The following FKBP9 variants were observed in gnomAD, a reference collection of about 807,000 sequenced individuals.
FKBP9 encodes peptidyl-prolyl cis-trans isomerase FKBP9.
In FKBP9, 27 loss-of-function variants were observed where a neutral mutation model predicts 55.6. That is an observed-to-expected ratio of 0.49 (90% confidence interval 0.36 to 0.67). FKBP9 has a LOEUF of 0.67. Among genes scored for constraint, FKBP9 ranks in the 30% least tolerant of loss-of-function variants. The probability of loss-of-function intolerance (pLI) is 0.00; values close to 1 mark genes in which losing one functional copy is unlikely to be tolerated. For missense variants in FKBP9, 539 were observed against 742.8 expected (o/e 0.73, Z 3.19); for synonymous variants, 267 against 296.5 (o/e 0.90, Z 1.02).
intron 6 of FKBP9, 114 bp downstream of exon 6, chr7:32,988,766 T>C (rs1465278407): frequency 3.8e-5 from 39 of 1,028,444 alleles, no homozygotes; most frequent in Admixed American, 7.7e-5. Context: ...CTCCCTCTGT[T>C]GAACAGGCTG....
chr7:32,968,831 T>A (rs1157683978), intron 1 of FKBP9, among the ~76,000 whole-genome samples: 2 of 151,908 alleles, frequency 1.3e-5, no homozygotes, highest in Non-Finnish European at 2.9e-5. Context: ...CTAATTTTTG[T>A]ATTTTTAGTA....
chr7:32,999,324 A>G (rs1370981113), intron 7 of FKBP9, among the ~76,000 whole-genome samples: 1 of 152,190 alleles, frequency 6.6e-6, no homozygotes, highest in Non-Finnish European at 1.5e-5. Context: ...AGTAAAGAAC[A>G]TCAACACTGT....
chr7:33,004,103 C>A (rs184075858), intron 9 of FKBP9, among the ~76,000 whole-genome samples: 1 of 152,046 alleles, frequency 6.6e-6, no homozygotes, highest in Non-Finnish European at 1.5e-5. Flanking sequence ...TCTCGTAGGC[C>A]GTAATGGTCC....
In FKBP9 at chr7:33,000,295, C is replaced by T. The variant is rs2127989107; in HGVS notation, c.1372+35C>T. 3.9e-6 allele frequency: 6 copies of T among 1,553,740 alleles called. No individual in the cohort carries two copies. The East Asian group carries it at 1.4e-4, about 35-fold the overall frequency. ...CAACGCTATTCAAGGGTGTTGGGGG[C>T]CCGCTTACTATCTGAATTTTGTGCT... On this transcript the variant is annotated intron_variant, in intron 8 of 9. Transcript: ENST00000242209.
intron 5 of FKBP9, among the ~76,000 whole-genome samples, chr7:32,986,781 G>C (rs1294186074): frequency 6.6e-6 from 1 of 152,174 alleles, no homozygotes; most frequent in Admixed American, 6.5e-5. Context: ...TTCTTCTCCG[G>C]GGCATCATGC....
intron 1 of FKBP9, among the ~76,000 whole-genome samples, chr7:32,959,268 G>T (rs1474960053): frequency 2.6e-5 from 4 of 152,202 alleles, no homozygotes; most frequent in Non-Finnish European, 5.9e-5. Flanking sequence ...AGCCGGGCGA[G>T]GTGGCGGGCG....
chr7:32,995,327 T>C (rs1174026037), intron 6 of FKBP9, among the ~76,000 whole-genome samples: 4 of 152,182 alleles, frequency 2.6e-5, no homozygotes, highest in Non-Finnish European at 4.4e-5. Flanking sequence ...CTAGGTAACA[T>C]GATTTTAAAA....
intron 5 of FKBP9, among the ~76,000 whole-genome samples, chr7:32,986,563 G>A (rs992274866): frequency 4.6e-5 from 7 of 152,256 alleles, no homozygotes; most frequent in Non-Finnish European, 1.0e-4. Flanking sequence ...GCTGCTCAGC[G>A]TGGGGTGCTG....
chr7:32,987,376 C>A (rs1340736535), intron 5 of FKBP9, among the ~76,000 whole-genome samples: 1 of 151,680 alleles, frequency 6.6e-6, no homozygotes, highest in African/African-American at 2.4e-5. Flanking sequence ...CATGCTGTAG[C>A]CCCAGCCACT....
chr7:32,981,537 A>G (rs1784475278), intron 5 of FKBP9, among the ~76,000 whole-genome samples: 1 of 152,134 alleles, frequency 6.6e-6, no homozygotes, highest in African/African-American at 2.4e-5. Context: ...TAGTGACAGC[A>G]ACCTCCCTGT....
At chr7:32,968,454 T>G (rs997842138) in intron 1 of FKBP9, among the ~76,000 whole-genome samples, 1 of 152,180 alleles carries the variant, frequency 6.6e-6, no homozygotes, top group East Asian at 1.9e-4. Context: ...CCCATCAAAG[T>G]GCACAAAGAT....
intron 1 of FKBP9, among the ~76,000 whole-genome samples, chr7:32,966,341 G>A (rs944638241): frequency 3.3e-5 from 5 of 151,980 alleles, no homozygotes; most frequent in African/African-American, 1.2e-4. Context: ...ATTTTAAAGA[G>A]CATCATCAGA....
At position 33,006,091 on chromosome 7, in the gene FKBP9, C is replaced by CTTTTTTTTTTTTTTTTTTTTTTTTTTTT. The variant is rs575917909; in HGVS notation, c.*761_*762insTTTTTTTTTTTTTTTTTTTTTTTTTTTT. ...AGTCATCTGCTTAGCTTTTCCTTTC[C>CTTTTTTTTTTTTTTTTTTTTTTTTTTTT]TTTTTTTTTTTTTTTTTTTTTCTGG... On this transcript the variant is annotated 3_prime_UTR_variant, in exon 10 of 10. Coordinates refer to ENST00000242209, the MANE Select transcript of FKBP9 (RefSeq NM_007270.5). 1 of 129,316 alleles carries CTTTTTTTTTTTTTTTTTTTTTTTTTTTT rather than the reference C, an allele frequency of 7.7e-6. No homozygotes were observed. Among genetic ancestry groups the CTTTTTTTTTTTTTTTTTTTTTTTTTTTT allele is most frequent in the Non-Finnish European group, 1.4e-5 (1 of 69,720 alleles). 8.0% of individuals were successfully genotyped at this position (129,316 alleles called of 1,614,324 possible).
chr7:32,978,744 C>T (rs1784410612), intron 4 of FKBP9, among the ~76,000 whole-genome samples: 1 of 152,166 alleles, frequency 6.6e-6, no homozygotes, highest in Non-Finnish European at 1.5e-5. Flanking sequence ...CTTTTGTCAT[C>T]AGCCACATAA....
chr7:32,960,390 C>T (rs1218813174), intron 1 of FKBP9, among the ~76,000 whole-genome samples: 1 of 152,122 alleles, frequency 6.6e-6, no homozygotes, highest in Non-Finnish European at 1.5e-5. Flanking sequence ...GCTGGGATTA[C>T]AGGCGGGAGC....
At chr7:32,983,108 C>G (rs538864853) in intron 5 of FKBP9, among the ~76,000 whole-genome samples, 1 of 151,970 alleles carries the variant, frequency 6.6e-6, no homozygotes, top group Admixed American at 6.6e-5. Flanking sequence ...ACTGCAACCT[C>G]CGTCTCGTGG....
chr7:32,980,177 G>A (rs1424747437), intron 4 of FKBP9, among the ~76,000 whole-genome samples, 187 bp from the exon 5 acceptor site: 2 of 151,492 alleles, frequency 1.3e-5, no homozygotes, highest in Admixed American at 6.6e-5. Flanking sequence ...TGCTGAGTCA[G>A]GTTTTAGATT....
rs745717239 is a variant in FKBP9, at chr7:32,973,682, G to GTTTTT, written c.222-913_222-909dup. ...AGAAAATGAAATGAAGTTTTTTGTT[G>GTTTTT]TTTTTTTTTTTTTTTTTTTTTTTTT... On this transcript the variant is annotated intron_variant, in intron 1 of 9. Coordinates refer to ENST00000242209, the MANE Select transcript of FKBP9 (RefSeq NM_007270.5). Among the ~76,000 whole-genome samples, 22 of 64,980 alleles carry GTTTTT rather than the reference G, an allele frequency of 3.4e-4. 1 individual carries two copies. The highest frequency in any genetic ancestry group is 5.4e-4 in the Non-Finnish European group (19 of 35,006). 42.6% of individuals were successfully genotyped at this position (64,980 alleles called of 152,430 possible). A position where few individuals can be genotyped will look rare whatever the true frequency, so the allele number is the denominator to read the frequency against.
chr7:32,979,293 A>G (rs1784423651), intron 4 of FKBP9, among the ~76,000 whole-genome samples: 1 of 152,192 alleles, frequency 6.6e-6, no homozygotes, highest in South Asian at 2.1e-4. Flanking sequence ...GAAAAGAAAA[A>G]TTTAAACCCC....
Sources: gnomAD v4.1 joint callset for allele counts (sites outside exome capture counted in the v4.1 genomes callset) on GRCh38, gnomAD v4.1.1 for gene constraint, MANE v1.5 for transcripts, NCBI Gene and HGNC (gene_info 2026-07-23, HGNC 2026-07-21) for gene names.